CDC16: variants seen among roughly 807,000 people sequenced by gnomAD.
The protein encoded by CDC16 is cell division cycle protein 16 homolog.
In CDC16, 34 loss-of-function variants were observed where a neutral mutation model predicts 87.0. The ratio of observed to expected loss-of-function variants is 0.39; its 90% CI spans 0.30 to 0.52. CDC16 has a LOEUF of 0.52. Ranked by LOEUF, CDC16 falls within the 20% of genes least tolerant of loss-of-function variation. The pLI, the probability that CDC16 is intolerant of heterozygous loss-of-function variation, is 0.74. For missense variants in CDC16, 653 were observed against 751.9 expected (o/e 0.87, Z 1.54); for synonymous variants, 263 against 260.6 (o/e 1.01, Z -0.09).
intron 17 of CDC16, among the ~76,000 whole-genome samples, chr13:114,269,470 C>G (rs1212590292): frequency 6.6e-6 from 1 of 152,078 alleles, no homozygotes; most frequent in Non-Finnish European, 1.5e-5. Flanking sequence ...TGTGATGTAG[C>G]AGTTCTACTC....
At chr13:114,260,286 G>T (rs958580495) in intron 14 of CDC16, among the ~76,000 whole-genome samples, 3 of 152,154 alleles carry the variant, frequency 2.0e-5, no homozygotes, top group African/African-American at 7.2e-5. Flanking sequence ...CACTATTTCT[G>T]TGTTTGCACA....
At chr13:114,237,401 T>G (rs2081309803) in intron 3 of CDC16, among the ~76,000 whole-genome samples, 1 of 151,944 alleles carries the variant, frequency 6.6e-6, no homozygotes, top group Admixed American at 6.6e-5. Context: ...GTGATCCTTC[T>G]GCCTCAGCCT....
chr13:114,234,954 T>G lies in CDC16; in HGVS notation c.-131T>G, dbSNP rs2081162890. 4 of 577,946 alleles carry G rather than the reference T, an allele frequency of 6.9e-6. No homozygotes were observed. The highest frequency in any genetic ancestry group is 4.1e-5 in the African/African-American group (2 of 48,610). The allele number at this position is 577,946 out of a possible 1,614,324, so 35.8% of individuals were successfully genotyped here. A position where few individuals can be genotyped will look rare whatever the true frequency, so the allele number is the denominator to read the frequency against. ...TGGGTGGGGACCTGCGGCCTTCGAG[T>G]CCGCGGCCTTCGAGTCCTGGGGCGG... On this transcript the variant is annotated 5_prime_UTR_variant, in exon 1 of 18. Transcript: ENST00000356221.
chr13:114,237,258 A>AT (rs1279919974), intron 3 of CDC16, among the ~76,000 whole-genome samples: 1 of 151,644 alleles, frequency 6.6e-6, no homozygotes, highest in Non-Finnish European at 1.5e-5. Context: ...TTAGGTGTAT[A>AT]TTCCATTTCT....
intron 11 of CDC16, among the ~76,000 whole-genome samples, chr13:114,249,894 G>C (rs907232005): frequency 6.6e-6 from 1 of 152,276 alleles, no homozygotes; most frequent in East Asian, 1.9e-4. Context: ...TTAAAATTTT[G>C]CTATACTATT....
chr13:114,250,351 G>T (rs1031969377), intron 11 of CDC16, among the ~76,000 whole-genome samples, 198 bp from the exon 12 acceptor site: 3 of 152,042 alleles, frequency 2.0e-5, no homozygotes, highest in Admixed American at 1.3e-4. Context: ...AATTAGCCGG[G>T]CATGGTGGCG....
intron 17 of CDC16, among the ~76,000 whole-genome samples, chr13:114,270,229 T>C (rs558134149): frequency 2.0e-5 from 3 of 152,130 alleles, no homozygotes; most frequent in African/African-American, 7.2e-5. Context: ...CTTGAAATCA[T>C]GGCAGAAGGC....
At chr13:114,255,392 A>C (rs1441868637) in intron 12 of CDC16, among the ~76,000 whole-genome samples, 4 of 152,108 alleles carry the variant, frequency 2.6e-5, no homozygotes, top group South Asian at 2.1e-4. Flanking sequence ...TTCCTATTAC[A>C]CTGTTACTGG....
chr13:114,255,658 C>G (rs2082451882), intron 12 of CDC16, among the ~76,000 whole-genome samples: 1 of 152,124 alleles, frequency 6.6e-6, no homozygotes, highest in Non-Finnish European at 1.5e-5. Context: ...AATACTCAAC[C>G]TGTACATAGA....
In CDC16 at chr13:114,247,473, A is replaced by G. The variant is rs148949609; in HGVS notation, c.971+469A>G. Among the ~76,000 whole-genome samples the G allele has an allele frequency of 4.1e-3, 630 of 151,980 alleles. 2 individuals carry two copies. Among genetic ancestry groups the G allele is most frequent in the African/African-American group, 0.014 (587 of 41,404 alleles). On this transcript the variant is annotated intron_variant, in intron 11 of 17. Transcript: ENST00000356221. ...ATGAGCCACCATGCCTGGCTGAATA[A>G]ATGTTTTCTTCAAGTGGTTTGTTCT...
chr13:114,257,619 A>C (rs892390170), intron 13 of CDC16, among the ~76,000 whole-genome samples: 7 of 152,208 alleles, frequency 4.6e-5, no homozygotes, highest in Admixed American at 3.9e-4. Context: ...TTTAGTTACT[A>C]GTAAGTCAGA....
At chr13:114,263,738 ACT>A (rs150164182) in intron 16 of CDC16, among the ~76,000 whole-genome samples, 9 of 150,842 alleles carry the variant, frequency 6.0e-5, no homozygotes, top group African/African-American at 9.7e-5. Context: ...CTGCTTTCCA[ACT>A]CTCTCTCTCT....
chr13:114,246,159 T>G, intron 10 of CDC16, 110 bp downstream of exon 10: 1 of 554,738 alleles, frequency 1.8e-6, no homozygotes, highest in Non-Finnish European at 3.1e-6. Context: ...GATGTTTTAT[T>G]AAAGTGTTGC....
At chr13:114,254,563 A>G (rs887222693) in intron 12 of CDC16, among the ~76,000 whole-genome samples, 2 of 152,148 alleles carry the variant, frequency 1.3e-5, no homozygotes, top group Admixed American at 6.5e-5. Flanking sequence ...CTTACACATT[A>G]TAAGTCCATC....
chr13:114,234,973 G>GC lies in CDC16; in HGVS notation c.-112_-111insC. On this transcript the variant is annotated 5_prime_UTR_variant, in exon 1 of 18. Coordinates refer to ENST00000356221, the MANE Select transcript of CDC16 (RefSeq NM_001078645.3). ...TTCGAGTCCGCGGCCTTCGAGTCCT[G>GC]GGGCGGCGGCGGCGGCTGCAGGCAC... The GC allele has an allele frequency of 1.2e-6, 1 of 823,736 alleles. No homozygotes were observed. The highest frequency in any genetic ancestry group is 1.6e-6 in the Non-Finnish European group (1 of 621,104). The allele number at this position is 823,736 out of a possible 1,614,324, so 51.0% of individuals were successfully genotyped here.
At chr13:114,243,738 G>C (rs1257410666) in intron 7 of CDC16, 118 bp from the exon 8 acceptor site, 9 of 733,698 alleles carry the variant, frequency 1.2e-5, no homozygotes. Flanking sequence ...TAAGTTTTCA[G>C]AGGCTCTCAC....
At chr13:114,245,266 C>G (rs559611735) in intron 9 of CDC16, among the ~76,000 whole-genome samples, 12 of 151,366 alleles carry the variant, frequency 7.9e-5, no homozygotes, top group Admixed American at 3.3e-4. Flanking sequence ...TCTGCCTCCC[C>G]CCCCCTTTTT....
intron 16 of CDC16, 93 bp downstream of exon 16, chr13:114,263,107 A>G: frequency 8.8e-7 from 1 of 1,131,190 alleles, no homozygotes; most frequent in Middle Eastern, 2.2e-4. Context: ...TTGACTTACT[A>G]TTTTAATATT....
chr13:114,236,863 C>A lies in CDC16; in HGVS notation c.168C>A (p.Ala56=). The A allele has an allele frequency of 1.2e-6, 2 of 1,600,066 alleles. No homozygotes were observed. The highest frequency in any genetic ancestry group is 1.7e-6 in the Non-Finnish European group (2 of 1,175,960). The change falls in exon 3 of 18, where the codon GCC becomes GCA. Residue 56 remains alanine, a synonymous_variant. Coordinates refer to ENST00000356221, the MANE Select transcript of CDC16 (RefSeq NM_001078645.3). ...ACCTGACAGCACAATATCACAGAGC[C>A]GCCCATGCACTTCGGTCACGAAAAC... is the stretch of plus-strand genomic sequence containing the variant. The part of the protein sequence containing the change: ...CLYLTAQYHR[A]AHALRSRKLD...
Sources: allele counts gnomAD v4.1 joint callset (sites outside exome capture counted in the v4.1 genomes callset), GRCh38; gene constraint gnomAD v4.1.1; transcripts MANE v1.5; gene names NCBI Gene and HGNC (gene_info 2026-07-23, HGNC 2026-07-21).